Variants in GNG2 observed in about 807,000 individuals in gnomAD.
GNG2 encodes the protein G protein subunit gamma 2.
Under a neutral mutation model 5.5 loss-of-function variants are expected in GNG2, and 5 were observed. The ratio of observed to expected loss-of-function variants is 0.91; its 90% CI spans 0.48 to 1.92. The LOEUF (loss-of-function observed/expected upper bound fraction) is 1.92, where lower values mean the gene tolerates loss of function less well. GNG2 is among the 30% of genes most tolerant of loss of function. The pLI, the probability that GNG2 is intolerant of heterozygous loss-of-function variation, is 0.01. For synonymous variants in GNG2, 28 were observed against 32.0 expected, an observed-to-expected ratio of 0.88 and a Z score of 0.42; for missense variants, 55 against 88.4, an observed-to-expected ratio of 0.62 and a Z score of 1.52.
intron 2 of GNG2, among the ~76,000 whole-genome samples, chr14:51,928,396 A>G (rs1887463305): frequency 6.6e-6 from 1 of 152,198 alleles, no homozygotes; most frequent in Non-Finnish European, 1.5e-5. Context: ...TGACAAGAAC[A>G]GATAATATCA....
At chr14:51,958,447 C>T in intron 3 of GNG2, among the ~76,000 whole-genome samples, 1 of 145,588 alleles carries the variant, frequency 6.9e-6, no homozygotes, top group South Asian at 2.3e-4. Flanking sequence ...GTTCCCCCCC[C>T]CCATTTATAT....
intron 2 of GNG2, among the ~76,000 whole-genome samples, chr14:51,879,748 A>G (rs1050167946): frequency 1.3e-5 from 2 of 152,188 alleles, no homozygotes; most frequent in African/African-American, 4.8e-5. Context: ...TGATTTTTTA[A>G]GTATCTGTGT....
At chr14:51,853,326 T>C (rs922822566) in intron 2 of GNG2, among the ~76,000 whole-genome samples, 4 of 152,116 alleles carry the variant, frequency 2.6e-5, no homozygotes, top group African/African-American at 9.7e-5. Flanking sequence ...TATCACACTC[T>C]AGTGGACTCT....
intron 3 of GNG2, among the ~76,000 whole-genome samples, chr14:51,965,055 T>C (rs961491365): frequency 3.3e-5 from 5 of 152,190 alleles, no homozygotes; most frequent in African/African-American, 1.2e-4. Context: ...GGAAGGGACA[T>C]GGCAAACTGT....
At chr14:51,928,379 T>G (rs1056312985) in intron 2 of GNG2, among the ~76,000 whole-genome samples, 14 of 152,186 alleles carry the variant, frequency 9.2e-5, no homozygotes, top group Admixed American at 7.2e-4. Context: ...ATATATTTTC[T>G]TCTGGCTGAC....
rs544227764 is a variant in GNG2 at position 51,964,805 on chromosome 14, G to A, written c.88-1754G>A. ...GCGGGAGGATGGCTTGAGGTCAGGC[G>A]TTCAAGACCAGCATGGGCAAAATAG... is the stretch of plus-strand genomic sequence containing the variant. On this transcript the variant is annotated intron_variant, in intron 3 of 3. Coordinates refer to ENST00000556766, the MANE Select transcript of GNG2 (RefSeq NM_053064.5). 1.6e-3 allele frequency among the ~76,000 whole-genome samples: 245 copies of A among 152,278 alleles called. 1 individual carries two copies. The highest frequency in any genetic ancestry group is 5.6e-3 in the African/African-American group (231 of 41,562).
intron 2 of GNG2, among the ~76,000 whole-genome samples, chr14:51,935,934 G>C (rs1312186462): frequency 6.6e-6 from 1 of 152,070 alleles, no homozygotes; most frequent in East Asian, 1.9e-4. Flanking sequence ...ATGGTTCAGT[G>C]GGTTTTTAAA....
chr14:51,827,719 C>T (rs956403966), exon 2 of GNG2: 1 of 702,182 alleles, frequency 1.4e-6, no homozygotes, highest in Admixed American at 2.0e-5. Flanking sequence ...TTCCTGAGCC[C>T]AACCTGTGCC....
chr14:51,828,367 C>G (rs78050789), intron 2 of GNG2, among the ~76,000 whole-genome samples: 2,391 of 152,234 alleles, frequency 0.016, 59 homozygotes, highest in African/African-American at 0.05. Context: ...GAAAATGGTT[C>G]CAGGGCACAA....
intron 2 of GNG2, among the ~76,000 whole-genome samples, chr14:51,888,951 A>G (rs971499689): frequency 6.6e-6 from 1 of 152,182 alleles, no homozygotes. Flanking sequence ...TGCTAGGTGA[A>G]AGAAACTAGA....
chr14:51,862,037 A>C (rs149863113), intron 1 of GNG2, among the ~76,000 whole-genome samples: 239 of 152,322 alleles, frequency 1.6e-3, no homozygotes, highest in African/African-American at 5.6e-3. Context: ...ATGCTAGTTG[A>C]GAGTGTATGT....
chr14:51,957,248 A>C (rs1241805405), intron 3 of GNG2, among the ~76,000 whole-genome samples: 2 of 152,128 alleles, frequency 1.3e-5, no homozygotes, highest in Non-Finnish European at 2.9e-5. Context: ...TCTCTACATC[A>C]TTTCCATTAT....
At chr14:51,844,709 G>A (rs565345458) in intron 2 of GNG2, among the ~76,000 whole-genome samples, 1 of 152,226 alleles carries the variant, frequency 6.6e-6, no homozygotes, top group South Asian at 2.1e-4. Context: ...CTTGGTATCT[G>A]TTCCTCTTTA....
At chr14:51,919,427 G>A (rs1457299088) in intron 2 of GNG2, among the ~76,000 whole-genome samples, 3 of 152,196 alleles carry the variant, frequency 2.0e-5, no homozygotes. Flanking sequence ...TTTTGCACAT[G>A]CCAAACAAAA....
intron 2 of GNG2, among the ~76,000 whole-genome samples, chr14:51,927,564 A>C (rs567376207): frequency 1.3e-5 from 2 of 152,232 alleles, no homozygotes; most frequent in Non-Finnish European, 2.9e-5. Context: ...CACCATGTTG[A>C]AATTCCCTAT....
intron 2 of GNG2, among the ~76,000 whole-genome samples, chr14:51,940,787 A>G (rs2140264375): frequency 6.6e-6 from 1 of 152,166 alleles, no homozygotes; most frequent in African/African-American, 2.4e-5. Context: ...GAAATGTGCT[A>G]TTTTAGTATT....
chr14:51,883,017 A>G, intron 2 of GNG2, among the ~76,000 whole-genome samples: 1 of 151,470 alleles, frequency 6.6e-6, no homozygotes, highest in East Asian at 1.9e-4. Flanking sequence ...CTCAAAAAAA[A>G]AAAAAGAAAA....
At chr14:51,883,402 A>C (rs1884232238) in intron 2 of GNG2, among the ~76,000 whole-genome samples, 1 of 152,240 alleles carries the variant, frequency 6.6e-6, no homozygotes, top group Admixed American at 6.5e-5. Flanking sequence ...ATATGCTGCC[A>C]TGTAACCTTT....
At chr14:51,898,144 C>G (rs1566672670) in intron 2 of GNG2, among the ~76,000 whole-genome samples, 1 of 152,082 alleles carries the variant, frequency 6.6e-6, no homozygotes, top group Non-Finnish European at 1.5e-5. Context: ...ATCTCATTTT[C>G]TAAAAATTTT....
Sources: allele counts gnomAD v4.1 joint callset (sites outside exome capture counted in the v4.1 genomes callset), GRCh38; gene constraint gnomAD v4.1.1; transcripts MANE v1.5; gene names NCBI Gene and HGNC (gene_info 2026-07-23, HGNC 2026-07-21).